UGT1A10: variants seen among roughly 807,000 people sequenced by gnomAD.
The protein encoded by UGT1A10 is UDP-glucuronosyltransferase 1A10.
In UGT1A10, 49 loss-of-function variants were observed where a neutral mutation model predicts 45.8. The observed-to-expected ratio is 1.07, with a 90% confidence interval of 0.85 to 1.36. The LOEUF (loss-of-function observed/expected upper bound fraction) is 1.36. Among genes scored for constraint, UGT1A10 ranks in the 40% most tolerant of loss-of-function variants. The pLI, the probability that UGT1A10 is intolerant of heterozygous loss-of-function variation, is 0.00. For missense variants in UGT1A10, 745 were observed against 668.6 expected (o/e 1.11, Z -1.26); for synonymous variants, 284 against 249.7 (o/e 1.14, Z -1.29).
chr2:233,766,956 T>C (rs1699290274), intron 1 of UGT1A10, 78 bp from the exon 2 acceptor site: 3 of 1,604,724 alleles, frequency 1.9e-6, no homozygotes, highest in Non-Finnish European at 2.5e-6. Flanking sequence ...GAGGAAGATA[T>C]CTAATTCATA....
chr2:233,654,407 A>G (rs1202208899), intron 1 of UGT1A10, among the ~76,000 whole-genome samples: 1 of 152,186 alleles, frequency 6.6e-6, no homozygotes, highest in Non-Finnish European at 1.5e-5. Flanking sequence ...CTTGTTTCTT[A>G]GCATAACCTG....
chr2:233,765,693 A>AAAT (rs1266056248), intron 1 of UGT1A10, among the ~76,000 whole-genome samples: 1 of 147,310 alleles, frequency 6.8e-6, no homozygotes, highest in African/African-American at 2.6e-5. Context: ...AACTTCAAGT[A>AAAT]AATAATAATA....
chr2:233,690,317 C>T (rs956358462), intron 1 of UGT1A10, among the ~76,000 whole-genome samples: 2 of 152,128 alleles, frequency 1.3e-5, no homozygotes, highest in Non-Finnish European at 2.9e-5. Context: ...ACTTATGGGT[C>T]GTAGGTCATA....
In UGT1A10 at chr2:233,724,657, C is replaced by T. The variant is rs536267654; in HGVS notation, c.856-42377C>T. 3.3e-4 allele frequency among the ~76,000 whole-genome samples: 47 copies of T among 142,730 alleles called. 7 individuals are homozygous for T. The East Asian group carries it at 7.4e-3, about 23-fold the overall frequency. 93.6% of individuals were successfully genotyped at this position (142,730 alleles called of 152,430 possible). On this transcript the variant is annotated intron_variant, in intron 1 of 4. Transcript: ENST00000344644. The stretch of plus-strand genomic sequence containing the variant: ...AGATGTGATGGCGGCTGGGAAGAGG[C>T]GCTCCTCACTTCCTAGATGGGATGG...
chr2:233,761,137 A>T, intron 1 of UGT1A10: 2 of 1,614,180 alleles, frequency 1.2e-6, no homozygotes, highest in Non-Finnish European at 1.7e-6. Flanking sequence ...CCTTCACCAA[A>T]ATCCACTATC....
intron 1 of UGT1A10, among the ~76,000 whole-genome samples, chr2:233,638,039 C>A (rs761375568): frequency 6.6e-5 from 10 of 152,128 alleles, no homozygotes; most frequent in Non-Finnish European, 1.3e-4. Context: ...TCAATACTTT[C>A]CTTGCGTGAA....
chr2:233,758,146 A>G (rs1260919985), intron 1 of UGT1A10, among the ~76,000 whole-genome samples: 1 of 152,228 alleles, frequency 6.6e-6, no homozygotes, highest in Non-Finnish European at 1.5e-5. Flanking sequence ...TGAGGGAATT[A>G]GCAATGGGTT....
At chr2:233,709,068 C>G (rs1483452630) in intron 1 of UGT1A10, among the ~76,000 whole-genome samples, 3 of 152,116 alleles carry the variant, frequency 2.0e-5, no homozygotes, top group Non-Finnish European at 4.4e-5. Flanking sequence ...AGTTAAAGTT[C>G]TTCTGCCTCA....
rs761082067 is a variant in UGT1A10 at position 233,637,375 on chromosome 2, A to T, written c.853A>T (p.Met285Leu). ...CTGTCATCAGGGAAAGCCATTGCCTATGGTAAGTCACCTCTCCTTTAGCAC... is the reference window on the plus strand; with the variant it reads ...CTGTCATCAGGGAAAGCCATTGCCTTTGGTAAGTCACCTCTCCTTTAGCAC... ...INCHQGKPLP[M>L]EFEAYINASG... The change falls in exon 1 of 5, where the codon ATG becomes TTG. Residue 285 changes from methionine to leucine, a missense_variant and splice_region_variant. Transcript: ENST00000344644. The T allele has an allele frequency of 6.8e-6, 11 of 1,611,930 alleles. No individual in the cohort carries two copies. The highest frequency in any genetic ancestry group is 9.3e-6 in the Non-Finnish European group (11 of 1,178,420).
At chr2:233,691,618 C>T in intron 1 of UGT1A10, 3 of 985,676 alleles carry the variant, frequency 3.0e-6, no homozygotes, top group Non-Finnish European at 3.6e-6. Context: ...GGACCGCCCT[C>T]AGCAGTGTGG....
chr2:233,728,193 T>C (rs906466862), intron 1 of UGT1A10, among the ~76,000 whole-genome samples: 7 of 152,224 alleles, frequency 4.6e-5, no homozygotes, highest in African/African-American at 1.7e-4. Context: ...AACTTGGTGC[T>C]GGATTGACTT....
Position 233,746,417 on chromosome 2 carries a change from CT to C in UGT1A10, c.856-20616del, listed in dbSNP as rs747591279. 3.3e-5 allele frequency among the ~76,000 whole-genome samples: 5 copies of C among 151,706 alleles called. No homozygotes were observed. The South Asian group carries it at 1.0e-3, about 32-fold the overall frequency. ...AGCTGGGAGTGTGTCCAATGGTGAC[CT>C]ATTAACTTATGTCTTCAGCTTAAAA... On this transcript the variant is annotated intron_variant, in intron 1 of 4. Transcript: ENST00000344644.
chr2:233,687,973 C>T (rs553009800), intron 1 of UGT1A10, among the ~76,000 whole-genome samples: 4 of 152,292 alleles, frequency 2.6e-5, no homozygotes, highest in African/African-American at 7.2e-5. Context: ...ATTCATGTAT[C>T]GTAAAATTCA....
At chr2:233,765,432 A>G (rs926269161) in intron 1 of UGT1A10, among the ~76,000 whole-genome samples, 3 of 152,240 alleles carry the variant, frequency 2.0e-5, no homozygotes, top group Non-Finnish European at 2.9e-5. Flanking sequence ...AGCCATAACA[A>G]GGAATGAGAT....
chr2:233,679,186 C>T (rs989767688), intron 1 of UGT1A10, among the ~76,000 whole-genome samples: 1 of 152,146 alleles, frequency 6.6e-6, no homozygotes, highest in Non-Finnish European at 1.5e-5. Context: ...ATTTTGACAC[C>T]TTCAGTGTTG....
At chr2:233,687,869 C>G (rs17863781) in intron 1 of UGT1A10, among the ~76,000 whole-genome samples, 2,937 of 152,304 alleles carry the variant, frequency 0.019, 59 homozygotes, top group Non-Finnish European at 0.028. Flanking sequence ...GACTATTCCA[C>G]TCCACTCCAG....
At chr2:233,738,677 A>C (rs1328958529) in intron 1 of UGT1A10, among the ~76,000 whole-genome samples, 2 of 152,316 alleles carry the variant, frequency 1.3e-5, no homozygotes, top group East Asian at 3.9e-4. Flanking sequence ...AGATGATCTG[A>C]AATTGGAACT....
At position 233,663,167 on chromosome 2, in the gene UGT1A10, C is replaced by T. The variant is rs544236046; in HGVS notation, c.855+25790C>T. 6.6e-5 allele frequency among the ~76,000 whole-genome samples: 10 copies of T among 152,174 alleles called. No homozygotes were observed. The East Asian group carries it at 7.7e-4, about 12-fold the overall frequency. The stretch of plus-strand genomic sequence containing the variant: ...CCTCTCCTCCAAGCCCTGGTGTAAC[C>T]ACCCGGGGGATTCACCTTGCCTGCT... On this transcript the variant is annotated intron_variant, in intron 1 of 4. Coordinates refer to ENST00000344644, the MANE Select transcript of UGT1A10 (RefSeq NM_019075.4).
At chr2:233,706,622 T>C (rs567814206) in intron 1 of UGT1A10, among the ~76,000 whole-genome samples, 1 of 152,196 alleles carries the variant, frequency 6.6e-6, no homozygotes, top group Admixed American at 6.5e-5. Flanking sequence ...ACTAGAGAAA[T>C]GAGTGTTTCT....
Sources: gnomAD v4.1 joint callset for allele counts (sites outside exome capture counted in the v4.1 genomes callset) on GRCh38, gnomAD v4.1.1 for gene constraint, MANE v1.5 for transcripts, NCBI Gene and HGNC (gene_info 2026-07-23, HGNC 2026-07-21) for gene names.